Variants in DRC8 observed in about 807,000 individuals in gnomAD.
DRC8 encodes dynein regulatory complex subunit 8.
At chr1:245,029,412 C>G in the DRC8 span, among the ~76,000 whole-genome samples, 1 of 152,152 alleles carries the variant, frequency 6.6e-6, no homozygotes, top group Non-Finnish European at 1.5e-5. Flanking sequence ...ATTCTCTTGC[C>G]TCAGCCTCCC....
At chr1:245,098,991 G>T in the DRC8 span, among the ~76,000 whole-genome samples, 1 of 152,178 alleles carries the variant, frequency 6.6e-6, no homozygotes, top group East Asian at 1.9e-4. Flanking sequence ...GTGATCCTCA[G>T]GTGTGAAATG....
At chr1:245,121,876 T>C in the DRC8 span, 1 of 422,980 alleles carries the variant, frequency 2.4e-6, no homozygotes. Flanking sequence ...CTTTCTTAAT[T>C]ATTTTTCTTT....
chr1:245,010,973 G>T, the DRC8 span, among the ~76,000 whole-genome samples: 1 of 151,946 alleles, frequency 6.6e-6, no homozygotes, highest in Non-Finnish European at 1.5e-5. Context: ...GAGCCACCGC[G>T]CCCAGCCTTG....
the DRC8 span, among the ~76,000 whole-genome samples, chr1:245,112,017 G>A: frequency 6.6e-6 from 1 of 152,222 alleles, no homozygotes; most frequent in African/African-American, 2.4e-5. Flanking sequence ...CTGGGTGACA[G>A]AGCAAGATCC....
At chr1:244,989,192 G>A in the DRC8 span, among the ~76,000 whole-genome samples, 1 of 152,162 alleles carries the variant, frequency 6.6e-6, no homozygotes, top group African/African-American at 2.4e-5. Context: ...GCCTCCCGAA[G>A]TGTTGGGATT....
chr1:245,079,639 G>T, the DRC8 span, among the ~76,000 whole-genome samples: 1 of 152,180 alleles, frequency 6.6e-6, no homozygotes, highest in Non-Finnish European at 1.5e-5. Flanking sequence ...CTTGATCAGG[G>T]TGCATGTAAG....
chr1:245,093,885 G>A, the DRC8 span, among the ~76,000 whole-genome samples: 1 of 152,020 alleles, frequency 6.6e-6, no homozygotes, highest in Non-Finnish European at 1.5e-5. Flanking sequence ...CACACGCCCC[G>A]GCATTAAGTT....
chr1:245,083,633 A>G, the DRC8 span: 1 of 1,609,566 alleles, frequency 6.2e-7, no homozygotes, highest in South Asian at 1.1e-5. Flanking sequence ...TTTTAGATTC[A>G]GCTAAACGTG....
chr1:245,013,022 C>T, the DRC8 span, among the ~76,000 whole-genome samples: 3 of 152,164 alleles, frequency 2.0e-5, no homozygotes, highest in East Asian at 1.9e-4. Flanking sequence ...TGATAATACA[C>T]GATAAAGTGC....
the DRC8 span, among the ~76,000 whole-genome samples, chr1:245,052,618 G>T: frequency 6.6e-6 from 1 of 152,262 alleles, no homozygotes. Flanking sequence ...TGAGGCAAGG[G>T]AGCCTGGCAC....
At chr1:244,996,399 T>C in the DRC8 span, among the ~76,000 whole-genome samples, 1 of 152,112 alleles carries the variant, frequency 6.6e-6, no homozygotes, top group Non-Finnish European at 1.5e-5. Flanking sequence ...ACTGCACGAA[T>C]GTGTGAAAGC....
At chr1:244,980,282 C>T in the DRC8 span, among the ~76,000 whole-genome samples, 6 of 151,332 alleles carry the variant, frequency 4.0e-5, no homozygotes, top group South Asian at 1.0e-3. Context: ...CACTTGAACC[C>T]GGGAGGTGGA....
At chr1:245,121,888 C>CT in the DRC8 span, 1 of 418,758 alleles carries the variant, frequency 2.4e-6, no homozygotes, top group South Asian at 1.7e-5. Flanking sequence ...TTTTTCTTTT[C>CT]TTTTTTCTTA....
the DRC8 span, among the ~76,000 whole-genome samples, chr1:245,107,522 A>G: frequency 6.6e-6 from 1 of 152,194 alleles, no homozygotes; most frequent in African/African-American, 2.4e-5. Flanking sequence ...TTCACAGACC[A>G]ACTGGCATCT....
At chr1:244,988,271 C>G in the DRC8 span, among the ~76,000 whole-genome samples, 1 of 152,100 alleles carries the variant, frequency 6.6e-6, no homozygotes, top group Non-Finnish European at 1.5e-5. Flanking sequence ...CCCGCCTTAG[C>G]CTCCTGGGTA....
At chr1:245,009,028 C>CTTTT in the DRC8 span, among the ~76,000 whole-genome samples, 217 of 64,426 alleles carry the variant, frequency 3.4e-3, 14 homozygotes, top group African/African-American at 6.1e-3. Context: ...TTATGCTTTT[C>CTTTT]TTTTTTTTTT....
chr1:245,113,210 G>A, the DRC8 span, among the ~76,000 whole-genome samples: 3 of 152,140 alleles, frequency 2.0e-5, no homozygotes, highest in African/African-American at 4.8e-5. Context: ...GCTTATCACC[G>A]TGTCTTACAG....
At chr1:245,030,277 T>A in the DRC8 span, among the ~76,000 whole-genome samples, 2 of 152,322 alleles carry the variant, frequency 1.3e-5, no homozygotes, top group East Asian at 3.9e-4. Flanking sequence ...TTGGTCATGC[T>A]CTGTCAGGTT....
At chr1:244,972,938 A>C in the DRC8 span, among the ~76,000 whole-genome samples, 1 of 152,232 alleles carries the variant, frequency 6.6e-6, no homozygotes, top group Non-Finnish European at 1.5e-5. Context: ...TTATGAAATA[A>C]AGGCATTTTG....
Sources: gnomAD v4.1 joint callset for allele counts (sites outside exome capture counted in the v4.1 genomes callset) on GRCh38, gnomAD v4.1.1 for gene constraint, MANE v1.5 for transcripts, NCBI Gene and HGNC (gene_info 2026-07-23, HGNC 2026-07-21) for gene names.